Variants in ACCSL observed in about 807,000 individuals in gnomAD.
ACCSL encodes the protein 1-aminocyclopropane-1-carboxylate synthase homolog (inactive) like.
Under a neutral mutation model 61.7 loss-of-function variants are expected in ACCSL, and 55 were observed. The observed-to-expected ratio is 0.89, with a 90% CI of 0.72 to 1.12. The LOEUF (loss-of-function observed/expected upper bound fraction) is 1.12. Among genes scored for constraint, ACCSL ranks in the 50% most tolerant of loss-of-function variants. The pLI is 0.00. For missense variants in ACCSL, 632 were observed against 698.0 expected (o/e 0.91, Z 1.07); for synonymous variants, 258 against 264.3 (o/e 0.98, Z 0.23).
chr11:44,028,034 A>T, the ACCSL span, among the ~76,000 whole-genome samples: 70 of 152,218 alleles, frequency 4.6e-4, no homozygotes, highest in African/African-American at 1.7e-3. Context: ...TGGGCATGGT[A>T]GCATGCACCT....
the ACCSL span, among the ~76,000 whole-genome samples, chr11:43,989,690 C>T: frequency 6.6e-6 from 1 of 152,220 alleles, no homozygotes; most frequent in Non-Finnish European, 1.5e-5. Context: ...GGGCAGAGGA[C>T]TTTCCACTTC....
the ACCSL span, among the ~76,000 whole-genome samples, chr11:43,989,005 T>G: frequency 6.6e-6 from 1 of 151,992 alleles, no homozygotes; most frequent in Non-Finnish European, 1.5e-5. Flanking sequence ...GAAAGATTGG[T>G]CCTCCCTGGG....
chr11:44,020,197 T>C, the ACCSL span, among the ~76,000 whole-genome samples: 4 of 152,220 alleles, frequency 2.6e-5, no homozygotes, highest in Non-Finnish European at 5.9e-5. Context: ...ACTTGTTGCA[T>C]GTTTATTAGC....
chr11:43,992,382 C>A, the ACCSL span, among the ~76,000 whole-genome samples: 1 of 152,220 alleles, frequency 6.6e-6, no homozygotes, highest in African/African-American at 2.4e-5. Flanking sequence ...CATCTACATG[C>A]TTTGCAGGAT....
At chr11:43,960,369 A>G in the ACCSL span, among the ~76,000 whole-genome samples, 855 of 151,954 alleles carry the variant, frequency 5.6e-3, 8 homozygotes, top group African/African-American at 0.019. Flanking sequence ...TGCTTTCACT[A>G]TATTTGATTT....
the ACCSL span, among the ~76,000 whole-genome samples, chr11:44,038,517 A>G: frequency 6.6e-6 from 1 of 152,170 alleles, no homozygotes; most frequent in Non-Finnish European, 1.5e-5. Flanking sequence ...TTTCCAGTGG[A>G]GAGGCAGCAT....
chr11:44,007,941 T>C, the ACCSL span, among the ~76,000 whole-genome samples: 1 of 152,018 alleles, frequency 6.6e-6, no homozygotes, highest in African/African-American at 2.4e-5. Context: ...AGGGTGCAGC[T>C]CTCCCTCAAG....
the ACCSL span, among the ~76,000 whole-genome samples, chr11:43,931,638 C>T: frequency 1.3e-5 from 2 of 152,178 alleles, no homozygotes; most frequent in African/African-American, 2.4e-5. Context: ...TGGAGATAGT[C>T]GTACTGCTCT....
At chr11:44,021,966 ATTGGTTTATGTGCCTAT>A in the ACCSL span, among the ~76,000 whole-genome samples, 3 of 152,174 alleles carry the variant, frequency 2.0e-5, no homozygotes, top group Non-Finnish European at 4.4e-5. Flanking sequence ...CTTCTGTTCC[ATTGGTTTATGTGCCTAT>A]TTTTATACCA....
chr11:44,035,542 A>G, the ACCSL span, among the ~76,000 whole-genome samples: 1 of 152,180 alleles, frequency 6.6e-6, no homozygotes, highest in African/African-American at 2.4e-5. Context: ...CTTAAGGGAG[A>G]AAGAAGCAGA....
the ACCSL span, among the ~76,000 whole-genome samples, chr11:44,015,653 C>T: frequency 6.6e-6 from 1 of 152,202 alleles, no homozygotes; most frequent in Non-Finnish European, 1.5e-5. Flanking sequence ...CTCAACCCAG[C>T]TCATGCAAAA....
the ACCSL span, chr11:43,943,111 G>C: frequency 6.3e-5 from 95 of 1,498,530 alleles, no homozygotes; most frequent in Non-Finnish European, 8.4e-5. The surrounding 1 kb of genome is among the most constrained non-coding windows in gnomAD (Gnocchi z 4.8). Context: ...TGGAGGAGGA[G>C]GGGGTGTCCC....
At chr11:43,938,194 G>A in the ACCSL span, among the ~76,000 whole-genome samples, 1 of 152,084 alleles carries the variant, frequency 6.6e-6, no homozygotes, top group African/African-American at 2.4e-5. Flanking sequence ...TGGCAGCGGA[G>A]GAGGTTCTCT....
At chr11:43,945,607 G>GCCTAGGTGGGCAGATCGCTTGAGC in the ACCSL span, 2 of 151,612 alleles carry the variant, frequency 1.3e-5, no homozygotes, top group African/African-American at 4.9e-5. Context: ...ACTTTGGGAG[G>GCCTAGGTGGGCAGATCGCTTGAGC]CCTAGGTGGG....
At chr11:44,029,969 TTTTTATTTTATTTTATTTTA>T in the ACCSL span, among the ~76,000 whole-genome samples, 2,307 of 94,492 alleles carry the variant, frequency 0.024, 87 homozygotes, top group African/African-American at 0.078. Flanking sequence ...CTGGGCCTTG[TTTTTATTTTATTTTATTTTA>T]TTTTATTTTA....
chr11:44,035,764 C>T, the ACCSL span, among the ~76,000 whole-genome samples: 150 of 151,818 alleles, frequency 9.9e-4, no homozygotes, highest in African/African-American at 3.5e-3. Context: ...ATGGTGAAAC[C>T]TTGTCTCTAC....
the ACCSL span, among the ~76,000 whole-genome samples, chr11:44,041,913 C>T: frequency 2.0e-5 from 3 of 152,128 alleles, no homozygotes; most frequent in African/African-American, 4.8e-5. Context: ...TGCTGAATTT[C>T]GTCAGGTATC....
chr11:43,991,490 T>C, the ACCSL span, among the ~76,000 whole-genome samples: 2 of 147,110 alleles, frequency 1.4e-5, no homozygotes, highest in Non-Finnish European at 3.1e-5. Context: ...GTCCAAGATC[T>C]GGATCCAATA....
chr11:43,955,618 G>T, the ACCSL span, among the ~76,000 whole-genome samples: 1 of 152,092 alleles, frequency 6.6e-6, no homozygotes, highest in African/African-American at 2.4e-5. Flanking sequence ...GGTGGGTGGG[G>T]TTCAGTGGGT....
Sources: allele counts gnomAD v4.1 joint callset (sites outside exome capture counted in the v4.1 genomes callset), GRCh38; gene constraint gnomAD v4.1.1; non-coding constraint Gnocchi (gnomAD v3.1); transcripts MANE v1.5; gene names NCBI Gene and HGNC (gene_info 2026-07-23, HGNC 2026-07-21).